TLL2: variants seen among roughly 807,000 people sequenced by gnomAD.
The protein encoded by TLL2 is tolloid-like protein 2.
Under a neutral mutation model 123.0 loss-of-function variants are expected in TLL2, and 106 were observed. The observed-to-expected ratio is 0.86, with a 90% CI of 0.74 to 1.01. The LOEUF (loss-of-function observed/expected upper bound fraction) is 1.01, where lower values mean the gene tolerates loss of function less well. Ranked by LOEUF, TLL2 falls within the 50% of genes least tolerant of loss-of-function variation. TLL2 has a pLI of 0.00. For synonymous variants in TLL2, 494 were observed against 516.8 expected, an observed-to-expected ratio of 0.96 and a Z score of 0.60; for missense variants, 1,332 against 1,336.7, an observed-to-expected ratio of 1.00 and a Z score of 0.06.
At chr10:96,471,681 G>C (rs1465102101) in intron 2 of TLL2, among the ~76,000 whole-genome samples, 1 of 152,148 alleles carries the variant, frequency 6.6e-6, no homozygotes, top group Non-Finnish European at 1.5e-5. Context: ...GAGTTGCCCT[G>C]AGTCCCACAG....
chr10:96,489,206 C>A (rs1426260539), intron 1 of TLL2, among the ~76,000 whole-genome samples: 1 of 152,168 alleles, frequency 6.6e-6, no homozygotes, highest in Non-Finnish European at 1.5e-5. Context: ...AAAGCAGCTG[C>A]TCTCCTAGAT....
intron 12 of TLL2, among the ~76,000 whole-genome samples, 189 bp downstream of exon 12, chr10:96,395,686 G>T (rs1001028266): frequency 1.3e-5 from 2 of 152,296 alleles, no homozygotes; most frequent in South Asian, 4.2e-4. Flanking sequence ...CCCTCAGAAA[G>T]GTGTCAAACC....
chr10:96,368,900 C>T (rs879528599), intron 20 of TLL2, among the ~76,000 whole-genome samples: 1 of 152,214 alleles, frequency 6.6e-6, no homozygotes, highest in Non-Finnish European at 1.5e-5. Flanking sequence ...GGTTCCTTTC[C>T]ACAGACCTCA....
chr10:96,397,042 T>C, intron 11 of TLL2, 144 bp downstream of exon 11: 1 of 656,824 alleles, frequency 1.5e-6, no homozygotes, highest in Non-Finnish European at 2.6e-6. Context: ...GGCTGTGGAA[T>C]CCTCAGCTTG....
At chr10:96,374,736 C>T (rs2134051837) in intron 18 of TLL2, among the ~76,000 whole-genome samples, 1 of 152,264 alleles carries the variant, frequency 6.6e-6, no homozygotes, top group Non-Finnish European at 1.5e-5. Context: ...TCAGGTTATG[C>T]TGCCTCACCT....
intron 3 of TLL2, among the ~76,000 whole-genome samples, chr10:96,439,576 C>T (rs557103479): frequency 7.9e-5 from 12 of 152,224 alleles, no homozygotes; most frequent in Middle Eastern, 3.4e-3. Context: ...GTTCCTTATT[C>T]GCTTCTGATC....
intron 2 of TLL2, among the ~76,000 whole-genome samples, chr10:96,451,532 ACT>A (rs1353663262): frequency 3.9e-5 from 6 of 151,968 alleles, no homozygotes; most frequent in South Asian, 2.1e-4. Flanking sequence ...CATAAACAAA[ACT>A]CTATATTAAT....
chr10:96,376,949 G>A, intron 17 of TLL2, 130 bp from the exon 18 acceptor site: 3 of 863,964 alleles, frequency 3.5e-6, no homozygotes, highest in South Asian at 2.5e-5. Context: ...TGGGGGTGGG[G>A]TATCCTGAAT....
intron 7 of TLL2, among the ~76,000 whole-genome samples, chr10:96,414,763 C>T (rs1846537929): frequency 6.6e-6 from 1 of 152,136 alleles, no homozygotes; most frequent in Non-Finnish European, 1.5e-5. Flanking sequence ...CCTTCTCCTG[C>T]TCACTCCATG....
intron 3 of TLL2, among the ~76,000 whole-genome samples, chr10:96,444,870 G>T (rs1015449210): frequency 2.0e-5 from 3 of 152,168 alleles, no homozygotes; most frequent in Admixed American, 6.5e-5. Context: ...ATAGGCGTCC[G>T]TGAGACATAA....
chr10:96,456,617 G>C (rs930401525), intron 2 of TLL2, among the ~76,000 whole-genome samples: 2 of 152,240 alleles, frequency 1.3e-5, no homozygotes, highest in African/African-American at 2.4e-5. Flanking sequence ...CTCAGGAATA[G>C]AAAATTGTCC....
intron 9 of TLL2, among the ~76,000 whole-genome samples, chr10:96,405,840 C>T (rs965100349): frequency 6.6e-6 from 1 of 152,302 alleles, no homozygotes; most frequent in African/African-American, 2.4e-5. Flanking sequence ...ACAGTTAGTC[C>T]ATTCTTTCAT....
chr10:96,425,585 T>C (rs1846671783), intron 5 of TLL2, among the ~76,000 whole-genome samples: 2 of 151,928 alleles, frequency 1.3e-5, no homozygotes, highest in African/African-American at 4.8e-5. Flanking sequence ...GTCTTAGATA[T>C]AGTATCTATT....
chr10:96,405,501 AAATAATAAACCT>A (rs1232359255), intron 9 of TLL2, among the ~76,000 whole-genome samples, 167 bp from the exon 10 acceptor site: 1 of 152,206 alleles, frequency 6.6e-6, no homozygotes, highest in African/African-American at 2.4e-5. Flanking sequence ...TAAGGACATT[AAATAATAAACCT>A]TAAGCAGGAT....
At chr10:96,449,942 GC>G (rs1846939531) in intron 2 of TLL2, among the ~76,000 whole-genome samples, 1 of 152,124 alleles carries the variant, frequency 6.6e-6, no homozygotes, top group Non-Finnish European at 1.5e-5. Context: ...TGTTCCCACA[GC>G]CCCTGGCCTT....
intron 1 of TLL2, among the ~76,000 whole-genome samples, chr10:96,497,065 G>T (rs1847484015): frequency 6.6e-6 from 1 of 151,974 alleles, no homozygotes; most frequent in East Asian, 1.9e-4. Context: ...TGGATCACTT[G>T]AGATCAGGAG....
intron 7 of TLL2, among the ~76,000 whole-genome samples, chr10:96,418,766 T>C (rs967571314): frequency 6.8e-6 from 1 of 148,036 alleles, no homozygotes; most frequent in Non-Finnish European, 1.5e-5. Flanking sequence ...TAATTATTAA[T>C]AGCTAAATTA....
chr10:96,432,807 C>G lies in TLL2; in HGVS notation c.520G>C (p.Gly174Arg). ...GCAGACCTTGTCTGTGGCTACTGAC[C>G]AGTGAAGTTCCCTCCAATGACGTAG... ...IPYVIGGNFT[G>R]SQRAIFKQAM... is the part of the protein sequence containing the mutation. The change falls in exon 4 of 21, where the codon GGG (glycine) becomes CGG (arginine). Residue 174 changes from glycine (G) to arginine (R), a missense_variant and splice_region_variant. Gly to Arg is a moderately radical substitution (Grantham distance 125, BLOSUM62 -2). Coordinates refer to ENST00000357947, the MANE Select transcript of TLL2 (RefSeq NM_012465.4). The G allele has an allele frequency of 6.2e-7, 1 of 1,613,422 alleles. No homozygotes were observed. Among genetic ancestry groups the G allele is most frequent in the Non-Finnish European group, 8.5e-7 (1 of 1,179,556 alleles).
intron 2 of TLL2, among the ~76,000 whole-genome samples, chr10:96,452,712 C>G (rs898742884): frequency 6.6e-6 from 1 of 152,180 alleles, no homozygotes; most frequent in African/African-American, 2.4e-5. Context: ...CTACCCTAGA[C>G]GGGTACAGGT....
Sources: gnomAD v4.1 joint callset for allele counts (sites outside exome capture counted in the v4.1 genomes callset) on GRCh38, gnomAD v4.1.1 for gene constraint, MANE v1.5 for transcripts, NCBI Gene and HGNC (gene_info 2026-07-23, HGNC 2026-07-21) for gene names.